The following SUGCT variants were observed in gnomAD, a reference collection of about 807,000 sequenced individuals.
SUGCT encodes the protein succinyl-CoA:glutarate-CoA transferase.
SUGCT carries 41 observed loss-of-function variants against 55.0 expected under a neutral mutation model. The observed-to-expected ratio is 0.74, with a 90% CI of 0.58 to 0.97. The LOEUF (loss-of-function observed/expected upper bound fraction) is 0.97, where lower values mean the gene tolerates loss of function less well. Ranked by LOEUF, SUGCT falls within the 50% of genes least tolerant of loss-of-function variation. The pLI is 0.00. For synonymous variants in SUGCT, 187 were observed against 200.4 expected, an observed-to-expected ratio of 0.93 and a Z score of 0.56; for missense variants, 568 against 547.8, an observed-to-expected ratio of 1.04 and a Z score of -0.37.
At chr7:40,375,138 A>G (rs1784481552) in intron 9 of SUGCT, among the ~76,000 whole-genome samples, 1 of 152,132 alleles carries the variant, frequency 6.6e-6, no homozygotes, top group South Asian at 2.1e-4. Context: ...GAGCTGGGAG[A>G]AGGAATCACG....
At chr7:41,024,194 C>G in the SUGCT span, among the ~76,000 whole-genome samples, 3 of 152,128 alleles carry the variant, frequency 2.0e-5, no homozygotes, top group South Asian at 6.2e-4. Context: ...CAGAAAATTA[C>G]GTTCCAAAGG....
At chr7:40,224,613 G>C (rs985593754) in intron 6 of SUGCT, among the ~76,000 whole-genome samples, 1 of 152,048 alleles carries the variant, frequency 6.6e-6, no homozygotes, top group African/African-American at 2.4e-5. Flanking sequence ...TTGATTCCTA[G>C]CTCCTGTCAA....
At chr7:40,976,161 C>A in the SUGCT span, among the ~76,000 whole-genome samples, 1 of 152,130 alleles carries the variant, frequency 6.6e-6, no homozygotes, top group Non-Finnish European at 1.5e-5. Context: ...AACAAGGGAG[C>A]CATGAGGTGG....
chr7:40,387,424 A>G (rs1429838877), intron 9 of SUGCT, among the ~76,000 whole-genome samples: 1 of 152,080 alleles, frequency 6.6e-6, no homozygotes, highest in African/African-American at 2.4e-5. Context: ...CTTACTTTCT[A>G]TTTGGGTTTT....
chr7:40,446,199 T>C (rs900657096), intron 9 of SUGCT, among the ~76,000 whole-genome samples: 1 of 152,168 alleles, frequency 6.6e-6, no homozygotes, highest in Non-Finnish European at 1.5e-5. Flanking sequence ...TATGCATTTC[T>C]TTACTTATTA....
At chr7:40,212,057 C>G (rs28733232) in intron 6 of SUGCT, among the ~76,000 whole-genome samples, 58,680 of 151,770 alleles carry the variant, frequency 0.39, 12,747 homozygotes, top group Middle Eastern at 0.59. Context: ...CTGGGGCCTG[C>G]AGACTTTTTC....
chr7:40,692,438 AT>A (rs1784739266), intron 12 of SUGCT, among the ~76,000 whole-genome samples: 1 of 152,176 alleles, frequency 6.6e-6, no homozygotes, highest in South Asian at 2.1e-4. Flanking sequence ...CAGAAGCAAA[AT>A]TTGAAAGCTT....
Position 40,258,765 on chromosome 7 carries a change from G to A in SUGCT, c.577-15748G>A, listed in dbSNP as rs560864584. Among the ~76,000 whole-genome samples the A allele has an allele frequency of 1.2e-4, 19 of 152,280 alleles. No homozygotes were observed. The South Asian group carries it at 3.7e-3, about 30-fold the overall frequency. On this transcript the variant is annotated intron_variant, in intron 7 of 13. Coordinates refer to ENST00000335693, the MANE Select transcript of SUGCT (RefSeq NM_001193313.2). Reference sequence around the variant, plus strand: ...TAAATTAATGTGGCCATTATGGAAAGCAGTATGGAGGTTCTTCAAAAAATT... The same window carrying A: ...TAAATTAATGTGGCCATTATGGAAAACAGTATGGAGGTTCTTCAAAAAATT...
intron 12 of SUGCT, among the ~76,000 whole-genome samples, chr7:40,623,182 A>G (rs1425139323): frequency 6.6e-6 from 1 of 151,940 alleles, no homozygotes; most frequent in Admixed American, 6.6e-5. Flanking sequence ...CAGGCTTTTA[A>G]CTCTCTTTCT....
intron 9 of SUGCT, among the ~76,000 whole-genome samples, chr7:40,387,274 A>T (rs1203235490): frequency 6.6e-6 from 1 of 152,166 alleles, no homozygotes; most frequent in African/African-American, 2.4e-5. Flanking sequence ...TTCAAAAATG[A>T]GTGATCTTGC....
intron 13 of SUGCT, among the ~76,000 whole-genome samples, chr7:40,759,361 G>A (rs1224289200): frequency 1.3e-5 from 2 of 152,192 alleles, no homozygotes; most frequent in African/African-American, 4.8e-5. Flanking sequence ...AGGAGGGAAT[G>A]TAAGTAAATA....
At chr7:40,685,224 G>A (rs1052240926) in intron 12 of SUGCT, among the ~76,000 whole-genome samples, 1 of 152,026 alleles carries the variant, frequency 6.6e-6, no homozygotes, top group African/African-American at 2.4e-5. Flanking sequence ...TTCTGTGTTT[G>A]TTCTAGTAAT....
the SUGCT span, among the ~76,000 whole-genome samples, chr7:41,037,353 T>A: frequency 6.6e-6 from 1 of 152,078 alleles, no homozygotes; most frequent in Non-Finnish European, 1.5e-5. Flanking sequence ...AACTCCTGTG[T>A]CCTTACTGAA....
chr7:40,982,765 A>C, the SUGCT span, among the ~76,000 whole-genome samples: 1 of 152,118 alleles, frequency 6.6e-6, no homozygotes, highest in South Asian at 2.1e-4. Context: ...CTCTCATCTC[A>C]GCCTCCTGAG....
intron 13 of SUGCT, among the ~76,000 whole-genome samples, chr7:40,801,376 T>G (rs1161720879): frequency 2.0e-5 from 3 of 152,184 alleles, no homozygotes; most frequent in Admixed American, 6.5e-5. Context: ...TGTATCTTGT[T>G]AGAGATTTGT....
the SUGCT span, among the ~76,000 whole-genome samples, chr7:40,957,099 T>C: frequency 1.3e-5 from 2 of 152,178 alleles, no homozygotes; most frequent in Non-Finnish European, 2.9e-5. Context: ...ATTCTGTTGA[T>C]TTTGGGTGGA....
chr7:40,692,375 G>A (rs1784737145), intron 12 of SUGCT, among the ~76,000 whole-genome samples: 1 of 152,104 alleles, frequency 6.6e-6, no homozygotes. Context: ...AATGGATTGG[G>A]GCATAGAATA....
chr7:40,162,959 T>A (rs1213589813), intron 1 of SUGCT, among the ~76,000 whole-genome samples: 5 of 152,208 alleles, frequency 3.3e-5, no homozygotes, highest in African/African-American at 1.2e-4. Context: ...TGTGCTGCAG[T>A]ACAAATTAGC....
At chr7:40,554,619 G>T (rs1346822523) in intron 12 of SUGCT, among the ~76,000 whole-genome samples, 1 of 152,194 alleles carries the variant, frequency 6.6e-6, no homozygotes, top group Non-Finnish European at 1.5e-5. Flanking sequence ...TTTTACAGAA[G>T]AGGTGTGTTG....
Sources: allele counts gnomAD v4.1 joint callset (sites outside exome capture counted in the v4.1 genomes callset), GRCh38; gene constraint gnomAD v4.1.1; transcripts MANE v1.5; gene names NCBI Gene and HGNC (gene_info 2026-07-23, HGNC 2026-07-21).